The following UBE3C variants were observed in gnomAD, a reference collection of about 807,000 sequenced individuals.
UBE3C encodes ubiquitin protein ligase E3C.
In UBE3C, 42 loss-of-function variants were observed where a neutral mutation model predicts 129.4. The observed-to-expected ratio is 0.32, with a 90% CI of 0.25 to 0.42. UBE3C has a LOEUF of 0.42. UBE3C is among the 10% of genes least tolerant of loss of function. UBE3C has a pLI of 1.00. For missense variants in UBE3C, 1,049 were observed against 1,319.1 expected, an observed-to-expected ratio of 0.80 and a Z score of 3.17; for synonymous variants, 510 against 492.4, an observed-to-expected ratio of 1.04 and a Z score of -0.47.
At chr7:157,203,010 T>A (rs1809333687) in intron 11 of UBE3C, among the ~76,000 whole-genome samples, 1 of 152,212 alleles carries the variant, frequency 6.6e-6, no homozygotes, top group Non-Finnish European at 1.5e-5. Context: ...TGAAAACTCT[T>A]GTTGAGATTT....
intron 10 of UBE3C, chr7:157,192,389 C>G: frequency 1.5e-6 from 1 of 689,072 alleles, no homozygotes. Flanking sequence ...CATAAAAACC[C>G]TTACGGGGAA....
intron 18 of UBE3C, among the ~76,000 whole-genome samples, chr7:157,232,358 T>TTGTTTGTC (rs2116640254): frequency 1.3e-5 from 2 of 152,270 alleles, no homozygotes; most frequent in South Asian, 4.1e-4. Context: ...ATTAGTTTGT[T>TTGTTTGTC]TGTTTGTTTG....
In UBE3C at chr7:157,182,188, C is replaced by T. The variant is rs1228330052; in HGVS notation, c.851C>T (p.Ala284Val). Residue 284 changes from alanine (A) to valine (V), a missense_variant, in exon 8 of 23, where the codon GCG (alanine) becomes GTG (valine). By Grantham distance (64) the Ala-to-Val change is moderately conservative. Coordinates refer to ENST00000348165, the MANE Select transcript of UBE3C (RefSeq NM_014671.3). ...CAGATTTTTCATTTCATCATTCCGG[C>T]GCTTGCAGATGCGCAGACCGTTTTC... ...TDQIFHFIIP[A>V]LADAQTVFPY... is the part of the protein sequence containing the mutation. The T allele has an allele frequency of 5.6e-6, 9 of 1,613,712 alleles. No homozygotes were observed. The highest frequency in any genetic ancestry group is 3.3e-5 in the South Asian group (3 of 90,950).
chr7:157,228,318 C>G (rs1286500789), intron 17 of UBE3C, among the ~76,000 whole-genome samples: 1 of 152,180 alleles, frequency 6.6e-6, no homozygotes, highest in Non-Finnish European at 1.5e-5. Context: ...ACTGCACTAC[C>G]TTGTTGCAGT....
intron 17 of UBE3C, among the ~76,000 whole-genome samples, chr7:157,228,208 T>G (rs1023237681): frequency 1.3e-5 from 2 of 152,240 alleles, no homozygotes; most frequent in Non-Finnish European, 2.9e-5. Context: ...ATAAGTTGAC[T>G]GAGTGGAATG....
chr7:157,205,117 T>A (rs1435774863), intron 11 of UBE3C, among the ~76,000 whole-genome samples: 1 of 152,222 alleles, frequency 6.6e-6, no homozygotes, highest in Non-Finnish European at 1.5e-5. Flanking sequence ...TGACCTGTTT[T>A]CAGAGGAATA....
chr7:157,179,629 G>A lies in UBE3C; in HGVS notation c.616+782G>A, dbSNP rs980734070. Among the ~76,000 whole-genome samples, 11 of 152,196 alleles carry A rather than the reference G, an allele frequency of 7.2e-5. No individual in the cohort carries two copies. In the East Asian group the frequency reaches 2.1e-3, roughly 29 times the overall value. On this transcript the variant is annotated intron_variant, in intron 6 of 22. Transcript: ENST00000348165. Reference sequence around the variant, plus strand: ...TCCTGGGCTCGAGAAGTATTTGTCAGCATTAAAAATGTGCGTGAGACTAGT... The same window carrying A: ...TCCTGGGCTCGAGAAGTATTTGTCAACATTAAAAATGTGCGTGAGACTAGT...
intron 10 of UBE3C, among the ~76,000 whole-genome samples, chr7:157,193,324 A>G (rs890073401): frequency 5.3e-5 from 8 of 152,154 alleles, no homozygotes; most frequent in East Asian, 1.9e-4. Flanking sequence ...CTTGTGTGCT[A>G]TAAGAGTTCG....
chr7:157,231,042 A>G, intron 17 of UBE3C, 38 bp from the exon 18 acceptor site: 2 of 1,606,062 alleles, frequency 1.2e-6, no homozygotes, highest in Non-Finnish European at 1.7e-6. Context: ...CTTGCTTGTA[A>G]CATCTTTCCT....
intron 6 of UBE3C, among the ~76,000 whole-genome samples, chr7:157,179,767 A>G (rs1808620752): frequency 6.6e-6 from 1 of 152,200 alleles, no homozygotes; most frequent in South Asian, 2.1e-4. Context: ...AGTCTGGACC[A>G]CTTGGTCCTC....
chr7:157,178,283 T>C (rs191590396), intron 5 of UBE3C, among the ~76,000 whole-genome samples: 170 of 152,334 alleles, frequency 1.1e-3, no homozygotes, highest in African/African-American at 3.7e-3. Context: ...ATTGCAGGCG[T>C]GGAAAGTCTC....
At chr7:157,190,261 C>T (rs76636874) in intron 10 of UBE3C, among the ~76,000 whole-genome samples, 4,853 of 152,224 alleles carry the variant, frequency 0.032, 121 homozygotes, top group Non-Finnish European at 0.05. Flanking sequence ...CTGGGGACCT[C>T]TCCTCTGTCC....
rs148816296 is a variant in UBE3C at position 157,214,133 on chromosome 7, G to A, written c.1810-2734G>A. ...CTCCCTCCACCGCCTTTTTTTGATT[G>A]ACCAAGGATCCATGGTACTGGCATG... On this transcript the variant is annotated intron_variant, in intron 13 of 22. Coordinates refer to ENST00000348165, the MANE Select transcript of UBE3C (RefSeq NM_014671.3). 2.8e-3 allele frequency among the ~76,000 whole-genome samples: 425 copies of A among 151,548 alleles called. 3 individuals carry two copies. Among genetic ancestry groups the A allele is most frequent in the Admixed American group, 5.8e-3 (88 of 15,224 alleles).
Position 157,267,237 on chromosome 7 carries a change from C to T in UBE3C, c.3082-348C>T, listed in dbSNP as rs906468672. 7.2e-5 allele frequency among the ~76,000 whole-genome samples: 11 copies of T among 152,120 alleles called. No individual in the cohort carries two copies. In the East Asian group the frequency reaches 1.2e-3, roughly 16 times the overall value. On this transcript the variant is annotated intron_variant, in intron 22 of 22. Coordinates refer to ENST00000348165, the MANE Select transcript of UBE3C (RefSeq NM_014671.3). ...AGGAGTTCAAGACCATCCTGGCCAA[C>T]GTGGTGAAACCCCTTATCTAGGAAA...
At chr7:157,229,115 C>A (rs115693941) in intron 17 of UBE3C, among the ~76,000 whole-genome samples, 1 of 152,150 alleles carries the variant, frequency 6.6e-6, no homozygotes, top group Non-Finnish European at 1.5e-5. Context: ...GTTGCTTTCC[C>A]CTGACTTCAT....
Position 157,139,074 on chromosome 7 carries a change from A to T in UBE3C, c.-199A>T. ...GCAGGCGAGGCAGGGCCGCCCCTCC[A>T]GTATTGCCGCCCCTCCCGCCCCAGG... is the stretch of plus-strand genomic sequence containing the variant. On this transcript the variant is annotated 5_prime_UTR_variant, in exon 1 of 23. Coordinates refer to ENST00000348165, the MANE Select transcript of UBE3C (RefSeq NM_014671.3). 1 of 163,362 alleles carries T rather than the reference A, an allele frequency of 6.1e-6. No homozygotes were observed. Among genetic ancestry groups the T allele is most frequent in the Non-Finnish European group, 1.3e-5 (1 of 77,590 alleles). 10.1% of individuals were successfully genotyped at this position (163,362 alleles called of 1,614,324 possible).
chr7:157,221,810 A>G (rs1795744333), intron 15 of UBE3C: 1 of 152,036 alleles, frequency 6.6e-6, no homozygotes, highest in Admixed American at 6.6e-5. Context: ...TGTGTCTACC[A>G]GCCGACTAAT....
intron 10 of UBE3C, among the ~76,000 whole-genome samples, chr7:157,201,090 G>T (rs1278645267): frequency 6.6e-6 from 1 of 152,062 alleles, no homozygotes; most frequent in African/African-American, 2.4e-5. Context: ...TTGGGATGCT[G>T]AGGCGGGTGG....
chr7:157,250,238 CG>C (rs1796589097), intron 19 of UBE3C, among the ~76,000 whole-genome samples: 1 of 151,980 alleles, frequency 6.6e-6, no homozygotes, highest in South Asian at 2.1e-4. Context: ...TGTTTTGAGA[CG>C]GGGTTTCACT....
Sources: allele counts gnomAD v4.1 joint callset (sites outside exome capture counted in the v4.1 genomes callset), GRCh38; gene constraint gnomAD v4.1.1; transcripts MANE v1.5; gene names NCBI Gene and HGNC (gene_info 2026-07-23, HGNC 2026-07-21).